FASTKD2: variants seen among roughly 807,000 people sequenced by gnomAD.
The protein encoded by FASTKD2 is FAST kinase domains 2.
In FASTKD2, 51 loss-of-function variants were observed where a neutral mutation model predicts 63.6. The observed-to-expected ratio is 0.80, with a 90% CI of 0.64 to 1.01. The LOEUF (loss-of-function observed/expected upper bound fraction) is 1.01. Ranked by LOEUF, FASTKD2 falls within the 50% of genes least tolerant of loss-of-function variation. FASTKD2 has a pLI of 0.00. For synonymous variants in FASTKD2, 284 were observed against 293.4 expected (o/e 0.97, Z 0.33); for missense variants, 786 against 831.1 (o/e 0.95, Z 0.67).
At chr2:206,774,015 G>A (rs1391058155) in intron 6 of FASTKD2, among the ~76,000 whole-genome samples, 3 of 152,070 alleles carry the variant, frequency 2.0e-5, no homozygotes, top group Admixed American at 6.5e-5. Flanking sequence ...AAAAAAGATT[G>A]CTTATTAACT....
At chr2:206,790,264 C>G (rs1321891249) in intron 10 of FASTKD2, 2 of 335,770 alleles carry the variant, frequency 6.0e-6, no homozygotes, top group Non-Finnish European at 1.1e-5. Context: ...CAGAAATCAG[C>G]ACTACACAGA....
rs1039243027 is a variant in FASTKD2, at chr2:206,765,648, C to T, written c.-150C>T. 1.2e-4 allele frequency: 68 copies of T among 560,128 alleles called. No homozygotes were observed. Among genetic ancestry groups the T allele is most frequent in the Non-Finnish European group, 1.5e-4 (67 of 433,058 alleles). The allele number at this position is 560,128 out of a possible 1,614,324, so 34.7% of individuals were successfully genotyped here. Reference sequence around the variant, plus strand: ...TCCTGTACGTAGTCACGGTCTTGTGCTCTAAGGTGAGTGGAGGACGAGCTT... The same window carrying T: ...TCCTGTACGTAGTCACGGTCTTGTGTTCTAAGGTGAGTGGAGGACGAGCTT... On this transcript the variant is annotated 5_prime_UTR_variant, in exon 1 of 12. Coordinates refer to ENST00000402774, the MANE Select transcript of FASTKD2 (RefSeq NM_001136193.2).
At chr2:206,767,610 AT>A in intron 2 of FASTKD2, 140 bp downstream of exon 2, 1 of 716,892 alleles carries the variant, frequency 1.4e-6, no homozygotes, top group Non-Finnish European at 2.3e-6. Context: ...TTCTGCATAT[AT>A]ATTATATGAT....
chr2:206,776,434 A>G (rs1689826817), intron 7 of FASTKD2, among the ~76,000 whole-genome samples: 1 of 151,994 alleles, frequency 6.6e-6, no homozygotes, highest in African/African-American at 2.4e-5. Flanking sequence ...TATAAAAAAA[A>G]TCATTGCCTA....
chr2:206,780,217 T>C (rs1328274702), intron 7 of FASTKD2, among the ~76,000 whole-genome samples: 1 of 152,242 alleles, frequency 6.6e-6, no homozygotes, highest in Non-Finnish European at 1.5e-5. Flanking sequence ...AGTTTTATAC[T>C]TTCCTGTGTT....
At position 206,790,190 on chromosome 2, in the gene FASTKD2, A is replaced by G. The variant is rs560755173; in HGVS notation, c.1899-382A>G. 8 of 184,500 alleles carry G rather than the reference A, an allele frequency of 4.3e-5. No homozygotes were observed. The South Asian group carries it at 9.1e-4, about 21-fold the overall frequency. The allele number at this position is 184,500 out of a possible 1,614,324, so 11.4% of individuals were successfully genotyped here. A position where few individuals can be genotyped will look rare whatever the true frequency, so the allele number is the denominator to read the frequency against. On this transcript the variant is annotated intron_variant, in intron 10 of 11. Coordinates refer to ENST00000402774, the MANE Select transcript of FASTKD2 (RefSeq NM_001136193.2). ...GGGAGATGATATGTGTAAGAAGAGC[A>G]TTTACTATTTGGTATTATTTACACC...
rs1690318158 is a variant in FASTKD2 at position 206,792,581 on chromosome 2, T to C, written c.*779T>C. 2.6e-5 allele frequency: 4 copies of C among 152,252 alleles called. No homozygotes were observed. The South Asian group carries it at 8.3e-4, about 32-fold the overall frequency. 9.4% of individuals were successfully genotyped at this position (152,252 alleles called of 1,614,324 possible). Reference sequence around the variant, plus strand: ...AATATTTGTCCAAATTCAACTATTTTGTTCAATATGCCTGTCTACCTAGTA... The same window carrying C: ...AATATTTGTCCAAATTCAACTATTTCGTTCAATATGCCTGTCTACCTAGTA... On this transcript the variant is annotated 3_prime_UTR_variant, in exon 12 of 12. Transcript: ENST00000402774.
At chr2:206,775,058 C>T (rs930523658) in intron 7 of FASTKD2, among the ~76,000 whole-genome samples, 1 of 151,980 alleles carries the variant, frequency 6.6e-6, no homozygotes, top group Non-Finnish European at 1.5e-5. Flanking sequence ...AGTTGATCCA[C>T]ATTGTAGCAT....
chr2:206,770,807 G>A (rs1466517500), intron 3 of FASTKD2, among the ~76,000 whole-genome samples: 12 of 151,910 alleles, frequency 7.9e-5, no homozygotes, highest in African/African-American at 2.7e-4. Flanking sequence ...ATAGTTATTC[G>A]GGGACTATGT....
At chr2:206,783,450 A>G (rs1179142521) in intron 7 of FASTKD2, 1 of 152,750 alleles carries the variant, frequency 6.5e-6, no homozygotes, top group Admixed American at 6.6e-5. Flanking sequence ...AGGTCGAAAA[A>G]TATCTCCCAA....
rs1177906690 is a variant in FASTKD2 at position 206,765,643 on chromosome 2, T to C, written c.-155T>C. On this transcript the variant is annotated 5_prime_UTR_variant, in exon 1 of 12. Coordinates refer to ENST00000402774, the MANE Select transcript of FASTKD2 (RefSeq NM_001136193.2). ...GCTGCTCCTGTACGTAGTCACGGTC[T>C]TGTGCTCTAAGGTGAGTGGAGGACG... 4.8e-6 allele frequency: 3 copies of C among 620,478 alleles called. No homozygotes were observed. The highest frequency in any genetic ancestry group is 5.9e-5 in the South Asian group (1 of 16,888). The allele number at this position is 620,478 out of a possible 1,614,324, so 38.4% of individuals were successfully genotyped here.
chr2:206,790,617 A>G lies in FASTKD2; in HGVS notation c.1944A>G (p.Ser648=). 1 of 1,613,358 alleles carries G rather than the reference A, an allele frequency of 6.2e-7. No homozygotes were observed. Among genetic ancestry groups the G allele is most frequent in the Non-Finnish European group, 8.5e-7 (1 of 1,179,344 alleles). ...CCAGATCTGCTTATTGTTTGGGTTCAAGCCACCCCAGAGGATTCCTTGCTA... is the reference window on the plus strand; with the variant it reads ...CCAGATCTGCTTATTGTTTGGGTTCGAGCCACCCCAGAGGATTCCTTGCTA... The part of the protein sequence containing the change: ...CVSRSAYCLG[S]SHPRGFLAMK... The change falls in exon 11 of 12, where the codon TCA becomes TCG. Residue 648 remains serine (S), a synonymous_variant. Coordinates refer to ENST00000402774, the MANE Select transcript of FASTKD2 (RefSeq NM_001136193.2).
At chr2:206,774,958 A>G (rs750388043) in intron 7 of FASTKD2, among the ~76,000 whole-genome samples, 2 of 151,926 alleles carry the variant, frequency 1.3e-5, no homozygotes, top group Non-Finnish European at 2.9e-5. Context: ...TGTTTCTATG[A>G]CTGACCTTTT....
rs766637816 is a variant in FASTKD2, at chr2:206,766,891, C to T, written c.198C>T (p.Asn66=). The T allele has an allele frequency of 1.9e-6, 3 of 1,598,576 alleles. No individual in the cohort carries two copies. Among genetic ancestry groups the T allele is most frequent in the Middle Eastern group, 1.7e-4 (1 of 5,978 alleles). The stretch of plus-strand genomic sequence containing the variant: ...GGAACATTTTAAATAACTTTCATAA[C>T]AGAATGCAATCAACTGATATCATTA... ...SNWNILNNFH[N]RMQSTDIIRY... The change falls in exon 2 of 12, where the codon AAC becomes AAT. Residue 66 remains asparagine, a synonymous_variant. Transcript: ENST00000402774.
chr2:206,790,281 T>C, intron 10 of FASTKD2: 1 of 362,110 alleles, frequency 2.8e-6, no homozygotes, highest in Non-Finnish European at 5.3e-6. Context: ...CAGAAAACCC[T>C]TAAAATTGGT....
rs540801287 is a variant in FASTKD2 at position 206,795,295 on chromosome 2, G to A, written c.*3493G>A. ...GTCGCCCAGGCTGGAGTGCTGTGGC[G>A]TGATCTCAGCTCACTGCAAGCTCCG... On this transcript the variant is annotated 3_prime_UTR_variant, in exon 12 of 12. Transcript: ENST00000402774. Among the ~76,000 whole-genome samples, 4 of 152,266 alleles carry A rather than the reference G, an allele frequency of 2.6e-5. No homozygotes were observed. The highest frequency in any genetic ancestry group is 4.1e-4 in the South Asian group (2 of 4,820).
chr2:206,771,405 C>T, intron 4 of FASTKD2, 115 bp downstream of exon 4: 1 of 711,440 alleles, frequency 1.4e-6, no homozygotes, highest in Non-Finnish European at 2.6e-6. Flanking sequence ...TTAGGTTTAG[C>T]TTCACTAAAG....
At chr2:206,786,132 T>C (rs1406573770) in intron 7 of FASTKD2, among the ~76,000 whole-genome samples, 2 of 152,254 alleles carry the variant, frequency 1.3e-5, no homozygotes, top group East Asian at 1.9e-4. Context: ...AAAGGGTATC[T>C]ACCATTTATT....
intron 2 of FASTKD2, 113 bp from the exon 3 acceptor site, chr2:206,769,978 T>A: frequency 2.7e-6 from 2 of 736,986 alleles, no homozygotes; most frequent in Non-Finnish European, 5.0e-6. Context: ...TAGGAATTGT[T>A]GGTTTGATAC....
Sources: gnomAD v4.1 joint callset for allele counts (sites outside exome capture counted in the v4.1 genomes callset) on GRCh38, gnomAD v4.1.1 for gene constraint, MANE v1.5 for transcripts, NCBI Gene and HGNC (gene_info 2026-07-23, HGNC 2026-07-21) for gene names.